The following MAN2A1 variants were observed in gnomAD, a reference collection of about 807,000 sequenced individuals.
MAN2A1 encodes the protein alpha-mannosidase 2.
In MAN2A1, 76 loss-of-function variants were observed where a neutral mutation model predicts 142.6. The observed-to-expected ratio is 0.53, with a 90% CI of 0.44 to 0.65. The LOEUF (loss-of-function observed/expected upper bound fraction) is 0.65, where lower values mean the gene tolerates loss of function less well. MAN2A1 is among the 30% of genes least tolerant of loss of function. The pLI is 0.00. For synonymous variants in MAN2A1, 559 were observed against 473.2 expected (o/e 1.18, Z -2.35); for missense variants, 1,311 against 1,365.1 (o/e 0.96, Z 0.62).
At chr5:109,852,192 G>A (rs2416222) in intron 19 of MAN2A1, among the ~76,000 whole-genome samples, 1 of 151,432 alleles carries the variant, frequency 6.6e-6, no homozygotes, top group Non-Finnish European at 1.5e-5. Context: ...CAAAATGTGT[G>A]ATCTACAAAT....
intron 12 of MAN2A1, among the ~76,000 whole-genome samples, chr5:109,807,683 C>T (rs1167183042): frequency 1.3e-5 from 2 of 152,124 alleles, no homozygotes; most frequent in African/African-American, 2.4e-5. Flanking sequence ...CCCGAATGAG[C>T]TCCCCATACC....
chr5:109,815,539 T>G (rs1284478299), intron 12 of MAN2A1, among the ~76,000 whole-genome samples: 1 of 152,202 alleles, frequency 6.6e-6, no homozygotes, highest in African/African-American at 2.4e-5. Flanking sequence ...GAGACATTCT[T>G]AATGTCATTA....
chr5:109,779,883 T>G (rs1753405089), intron 8 of MAN2A1, among the ~76,000 whole-genome samples: 1 of 152,128 alleles, frequency 6.6e-6, no homozygotes, highest in South Asian at 2.1e-4. Context: ...ACATAAGGAT[T>G]TAGAAATAAT....
chr5:109,753,053 T>G (rs1752590151), intron 4 of MAN2A1, among the ~76,000 whole-genome samples: 1 of 152,228 alleles, frequency 6.6e-6, no homozygotes, highest in Non-Finnish European at 1.5e-5. Flanking sequence ...TCTGCAGTTT[T>G]TTTCTCTATT....
rs181621945 is a variant in MAN2A1 at position 109,782,668 on chromosome 5, G to C, written c.1577+1070G>C. ...AATTTAAGAGTTGTATTTTTATATG[G>C]TAGTTTTTTATTGTTAATATTGTGC... On this transcript the variant is annotated intron_variant, in intron 9 of 21. Coordinates refer to ENST00000261483, the MANE Select transcript of MAN2A1 (RefSeq NM_002372.4). Among the ~76,000 whole-genome samples, 265 of 152,096 alleles carry C rather than the reference G, an allele frequency of 1.7e-3. 1 individual carries two copies. The highest frequency in any genetic ancestry group is 0.014 in the Middle Eastern group (4 of 292).
Position 109,865,064 on chromosome 5 carries a change from C to G in MAN2A1, c.3200C>G (p.Ala1067Gly), listed in dbSNP as rs1482847645. 6.2e-7 allele frequency: 1 copy of G among 1,613,936 alleles called. No individual in the cohort carries two copies. Among genetic ancestry groups the G allele is most frequent in the Admixed American group, 1.7e-5 (1 of 60,002 alleles). The change falls in exon 21 of 22, where the codon GCC becomes GGC. Residue 1067 changes from alanine (A) to glycine (G), a missense_variant. Coordinates refer to ENST00000261483, the MANE Select transcript of MAN2A1 (RefSeq NM_002372.4). ...KVGNGHSNEA[A>G]LILHRKGFDC... ...GGCAATGGGCACTCCAATGAGGCAG[C>G]CTTGATCCTCCACAGAAAAGGGTTT... is the stretch of plus-strand genomic sequence containing the variant.
intron 1 of MAN2A1, among the ~76,000 whole-genome samples, chr5:109,707,392 C>CT (rs548295680): frequency 8.9e-4 from 135 of 151,830 alleles, no homozygotes; most frequent in Non-Finnish European, 1.6e-3. Flanking sequence ...TCTTTCCTTC[C>CT]TTTTTTTCTC....
chr5:109,767,506 A>T lies in MAN2A1; in HGVS notation c.836-29A>T, dbSNP rs547175211. 29 of 1,585,528 alleles carry T rather than the reference A, an allele frequency of 1.8e-5. No individual in the cohort carries two copies. The Admixed American group carries it at 2.2e-4, about 12-fold the overall frequency. On this transcript the variant is annotated intron_variant, in intron 5 of 21. Coordinates refer to ENST00000261483, the MANE Select transcript of MAN2A1 (RefSeq NM_002372.4). ...TTTTTATTTCATATATCAATTAAAAAAATTAACACTTATCATCTTTATCCA... is the reference window on the plus strand; with the variant it reads ...TTTTTATTTCATATATCAATTAAAATAATTAACACTTATCATCTTTATCCA...
chr5:109,860,480 G>A (rs1173853761), intron 20 of MAN2A1, among the ~76,000 whole-genome samples: 1 of 152,154 alleles, frequency 6.6e-6, no homozygotes, highest in African/African-American at 2.4e-5. Flanking sequence ...ATGTGTAGCC[G>A]TGCCTTAATC....
At position 109,855,241 on chromosome 5, in the gene MAN2A1, A is replaced by G. The variant is rs61735366; in HGVS notation, c.3078A>G (p.Ser1026=). The change falls in exon 20 of 22, where the codon TCA becomes TCG. Residue 1026 remains serine (S), a synonymous_variant. Coordinates refer to ENST00000261483, the MANE Select transcript of MAN2A1 (RefSeq NM_002372.4). Reference sequence around the variant, plus strand: ...TTCCAATGGCAAATAAGTTCTCCTCACCTACCCTTGAGCTGCAAGGTGAAT... The same window carrying G: ...TTCCAATGGCAAATAAGTTCTCCTCGCCTACCCTTGAGCTGCAAGGTGAAT... ...PVIPMANKFS[S]PTLELQGEFS... 1.9e-4 allele frequency: 310 copies of G among 1,596,202 alleles called. No homozygotes were observed. The African/African-American group carries it at 3.7e-3, about 19-fold the overall frequency.
intron 7 of MAN2A1, among the ~76,000 whole-genome samples, chr5:109,770,788 A>G (rs916297969): frequency 1.2e-4 from 18 of 151,642 alleles, no homozygotes; most frequent in African/African-American, 4.4e-4. Context: ...ATACACTATT[A>G]TTACCATCTC....
chr5:109,785,990 T>C lies in MAN2A1; in HGVS notation c.1760+1064T>C, dbSNP rs940437485. On this transcript the variant is annotated intron_variant, in intron 10 of 21. Coordinates refer to ENST00000261483, the MANE Select transcript of MAN2A1 (RefSeq NM_002372.4). ...CTAATTGTAGTAAATGTTAATTAAATTTTTAGTTACAATATTTTGACTGGC... is the reference window on the plus strand; with the variant it reads ...CTAATTGTAGTAAATGTTAATTAAACTTTTAGTTACAATATTTTGACTGGC... Among the ~76,000 whole-genome samples the C allele has an allele frequency of 3.9e-5, 6 of 152,138 alleles. 1 individual carries two copies. Among genetic ancestry groups the C allele is most frequent in the African/African-American group, 1.2e-4 (5 of 41,444 alleles).
chr5:109,769,131 C>A (rs1268465895), intron 6 of MAN2A1, among the ~76,000 whole-genome samples: 1 of 152,128 alleles, frequency 6.6e-6, no homozygotes, highest in Non-Finnish European at 1.5e-5. Flanking sequence ...GGACTTGTGA[C>A]AACCTTTTGT....
intron 20 of MAN2A1, among the ~76,000 whole-genome samples, chr5:109,861,530 G>T (rs1041313611): frequency 2.5e-4 from 38 of 152,302 alleles, no homozygotes; most frequent in Admixed American, 9.2e-4. Context: ...AAAATTGTCT[G>T]TTTGCCAGGC....
At chr5:109,828,196 C>T (rs1210080731) in intron 16 of MAN2A1, among the ~76,000 whole-genome samples, 2 of 152,018 alleles carry the variant, frequency 1.3e-5, no homozygotes, top group African/African-American at 4.8e-5. Flanking sequence ...TTATAGCACC[C>T]ATAATTTAAT....
At chr5:109,831,984 A>G (rs1426109405) in intron 16 of MAN2A1, among the ~76,000 whole-genome samples, 2 of 151,636 alleles carry the variant, frequency 1.3e-5, no homozygotes, top group Non-Finnish European at 2.9e-5. Flanking sequence ...ATTTTAATGA[A>G]AACATTTTTC....
At chr5:109,816,967 A>G (rs1272795228) in intron 12 of MAN2A1, among the ~76,000 whole-genome samples, 2 of 152,112 alleles carry the variant, frequency 1.3e-5, no homozygotes, top group East Asian at 1.9e-4. Context: ...AGTTGACTCT[A>G]TGACTGTCCA....
At chr5:109,799,989 G>A (rs1345275617) in intron 12 of MAN2A1, among the ~76,000 whole-genome samples, 3 of 151,212 alleles carry the variant, frequency 2.0e-5, no homozygotes, top group African/African-American at 7.3e-5. Context: ...TTGGGAGACT[G>A]AGGCAGGAGA....
intron 8 of MAN2A1, among the ~76,000 whole-genome samples, chr5:109,776,249 G>C (rs1291511966): frequency 6.6e-6 from 1 of 152,024 alleles, no homozygotes; most frequent in Non-Finnish European, 1.5e-5. Context: ...CTATAGTTTA[G>C]TAAGAATTCA....
Sources: gnomAD v4.1 joint callset for allele counts (sites outside exome capture counted in the v4.1 genomes callset) on GRCh38, gnomAD v4.1.1 for gene constraint, MANE v1.5 for transcripts, NCBI Gene and HGNC (gene_info 2026-07-23, HGNC 2026-07-21) for gene names.